The following PLEC variants were observed in gnomAD, a reference collection of about 807,000 sequenced individuals.
PLEC encodes the protein hemidesmosomal protein 1.
A neutral mutation model predicts 392.8 loss-of-function variants in PLEC; 216 were observed. The observed-to-expected ratio is 0.55, with a 90% CI of 0.49 to 0.62. The LOEUF is 0.62. Ranked by LOEUF, PLEC falls within the 20% of genes least tolerant of loss-of-function variation. PLEC has a pLI of 0.00. For missense variants in PLEC, 6,863 were observed against 6,563.4 expected, an observed-to-expected ratio of 1.05 and a Z score of -1.58; for synonymous variants, 3,621 against 2,980.6, an observed-to-expected ratio of 1.21 and a Z score of -7.00.
chr8:143,920,641 G>A lies in PLEC; in HGVS notation c.9180C>T (p.Ala3060=), dbSNP rs1554682493. The A allele has an allele frequency of 1.9e-6, 3 of 1,605,532 alleles. No homozygotes were observed. The African/African-American group carries it at 4.0e-5, about 21-fold the overall frequency. The change falls in exon 32 of 32, where the codon GCC becomes GCT. Residue 3060 remains alanine (A), a synonymous_variant. Transcript: ENST00000345136. The stretch of plus-strand genomic sequence containing the variant: ...CGATGATGTGCCCGGTGCCGGCCTG[G>A]GCTTCCAACAGGGCCACGGCCATGT... ...PSDMAVALLE[A]QAGTGHIIDP... is the part of the protein sequence containing the mutation.
chr8:143,966,206 A>G (rs1265308392), intron 1 of PLEC, among the ~76,000 whole-genome samples: 1 of 151,934 alleles, frequency 6.6e-6, no homozygotes, highest in Non-Finnish European at 1.5e-5. Context: ...CGCAGACCCA[A>G]CAGGCCCCCA....
At chr8:143,936,373 G>A (rs1829056878) in intron 5 of PLEC, among the ~76,000 whole-genome samples, 1 of 152,226 alleles carries the variant, frequency 6.6e-6, no homozygotes, top group Non-Finnish European at 1.5e-5. Flanking sequence ...GAAGGGCAGT[G>A]GGCATAAGAG....
At chr8:143,937,746 C>T (rs1554724651) in intron 3 of PLEC, 8 of 497,386 alleles carry the variant, frequency 1.6e-5, no homozygotes, top group South Asian at 1.2e-4. Context: ...CACAGCCACT[C>T]ACCAGGCGTG....
chr8:143,933,950 G>A (rs782312951), intron 12 of PLEC, 48 bp downstream of exon 12: 15 of 1,514,068 alleles, frequency 9.9e-6, no homozygotes, highest in East Asian at 7.2e-5. Flanking sequence ...GGCGGGGCAG[G>A]CTCCTCCGGC....
chr8:143,922,131 C>T lies in PLEC; in HGVS notation c.7690G>A (p.Glu2564Lys). The T allele has an allele frequency of 6.5e-7, 1 of 1,541,712 alleles. No homozygotes were observed. Among genetic ancestry groups the T allele is most frequent in the Non-Finnish European group, 8.7e-7 (1 of 1,149,606 alleles). Residue 2564 changes from glutamate to lysine, a missense_variant, in exon 32 of 32, where the codon GAG (glutamate) becomes AAG (lysine). Transcript: ENST00000345136. ...EARRRQHEAE[E>K]GVRRKQEELQ... ...TCCTCCTGCTTGCGCCGCACGCCCT[C>T]CTCGGCCTCATGCTGCCGCCGCCGC...
exon 1 of PLEC, chr8:143,950,604 T>A: frequency 6.2e-7 from 1 of 1,606,128 alleles, no homozygotes; most frequent in African/African-American, 1.3e-5. Context: ...GGGTGCAAGC[T>A]GCGGGGCCGC....
exon 1 of PLEC, chr8:143,950,431 G>A (rs781819940): frequency 2.4e-5 from 38 of 1,601,028 alleles, no homozygotes; most frequent in East Asian, 1.6e-4. Context: ...AGGCGGGCAC[G>A]ATCTCTGGCG....
rs782055149 is a variant in PLEC, at chr8:143,920,692, G to A, written c.9129C>T (p.Ala3043=). 7 of 1,602,712 alleles carry A rather than the reference G, an allele frequency of 4.4e-6. No individual in the cohort carries two copies. The highest frequency in any genetic ancestry group is 1.1e-5 in the South Asian group (1 of 91,082). The part of the protein sequence containing the change: ...EAGQKLSIYN[A]LKKDLLPSDM... ...CGGATGGCAGCAGGTCTTTCTTCAG[G>A]GCATTGTAGATACTCAGCTTCTGCC... The change falls in exon 32 of 32, where the codon GCC becomes GCT. Residue 3043 remains alanine (A), a synonymous_variant. Transcript: ENST00000345136.
upstream of PLEC, among the ~76,000 whole-genome samples, chr8:143,957,318 C>T (rs561002139): frequency 2.0e-5 from 3 of 152,284 alleles, no homozygotes; most frequent in South Asian, 6.2e-4. Context: ...AAGAAGCACG[C>T]GGGTCTGTGT....
At position 143,970,298 on chromosome 8, in the gene PLEC, C is replaced by CA. The variant is rs112313831; in HGVS notation, c.70+3104dup. The stretch of plus-strand genomic sequence containing the variant: ...GTTTACTGTCAAAAGTAAAACGCTC[C>CA]AAAAAAAAAAAAAATCAAGCAGGGT... On this transcript the variant is annotated intron_variant, in intron 1 of 31. Transcript: ENST00000356346. Among the ~76,000 whole-genome samples the CA allele has an allele frequency of 7.7e-3, 966 of 124,698 alleles. 7 individuals carry two copies. The highest frequency in any genetic ancestry group is 0.033 in the East Asian group (143 of 4,380). 81.8% of individuals were successfully genotyped at this position (124,698 alleles called of 152,430 possible). A position where few individuals can be genotyped will look rare whatever the true frequency, so the allele number is the denominator to read the frequency against.
rs782674294 is a variant in PLEC, at chr8:143,921,343, C to T, written c.8478G>A (p.Val2826=). 6.2e-7 allele frequency: 1 copy of T among 1,613,760 alleles called. No individual in the cohort carries two copies. The highest frequency in any genetic ancestry group is 8.5e-7 in the Non-Finnish European group (1 of 1,179,954). The part of the protein sequence containing the change: ...IDPVHSHRVP[V]DVAYRRGYFD... ...AGTAGCCGCGCCGGTAGGCCACGTC[C>T]ACGGGCACGCGGTGGCTGTGCACGG... is the stretch of plus-strand genomic sequence containing the variant. The change falls in exon 32 of 32, where the codon GTG becomes GTA. Residue 2826 remains valine (V), a synonymous_variant. Coordinates refer to ENST00000345136, the MANE Select transcript of PLEC (RefSeq NM_201384.3).
Position 143,917,089 on chromosome 8 carries a change from G to C in PLEC, c.12732C>G (p.Arg4244=). Residue 4244 remains arginine (R), a synonymous_variant, in exon 32 of 32, where the codon CGC becomes CGG. Coordinates refer to ENST00000345136, the MANE Select transcript of PLEC (RefSeq NM_201384.3). ...AGGATCCCACCGAGGAGGAACGGGA[G>C]CGGAAACCACCGGCGTTGCCCGAGA... ...DMLSGNAGGF[R]SRSSSVGSSS... 6.2e-7 allele frequency: 1 copy of C among 1,606,736 alleles called. No individual in the cohort carries two copies. The highest frequency in any genetic ancestry group is 8.5e-7 in the Non-Finnish European group (1 of 1,174,622).
chr8:143,921,714 G>A lies in PLEC; in HGVS notation c.8107C>T (p.Leu2703=). ...CTCAGCTTCTCATTGGTGGCCTTCAGCAACAGCCCTGCGATACTGCTGCGG... is the reference window on the plus strand; with the variant it reads ...CTCAGCTTCTCATTGGTGGCCTTCAACAACAGCCCTGCGATACTGCTGCGG... ...QGRSSIAGLL[L]KATNEKLSVY... The change falls in exon 32 of 32, where the codon CTG becomes TTG. Residue 2703 remains leucine, a synonymous_variant. Transcript: ENST00000345136. 1 of 1,612,990 alleles carries A rather than the reference G, an allele frequency of 6.2e-7. No individual in the cohort carries two copies. Among genetic ancestry groups the A allele is most frequent in the Non-Finnish European group, 8.5e-7 (1 of 1,179,904 alleles).
upstream of PLEC, among the ~76,000 whole-genome samples, chr8:143,955,242 C>T (rs529208021): frequency 1.3e-5 from 2 of 152,228 alleles, no homozygotes; most frequent in East Asian, 1.9e-4. Context: ...TTTGGGAGGC[C>T]GAGGCAGGTG....
chr8:143,917,044 G>A lies in PLEC; in HGVS notation c.12777C>T (p.Ser4259=), dbSNP rs1554670750. ...CCAGCTGGGTCCTGGAGACGGCGGG[G>A]CTGATGGGGTAGGAGGAGGAGGATC... The part of the protein sequence containing the change: ...SVGSSSSYPI[S]PAVSRTQLAS... Residue 4259 remains serine, a synonymous_variant, in exon 32 of 32, where the codon AGC becomes AGT. Transcript: ENST00000345136. The A allele has an allele frequency of 8.1e-6, 13 of 1,610,410 alleles. No homozygotes were observed. Among genetic ancestry groups the A allele is most frequent in the South Asian group, 4.4e-5 (4 of 91,060 alleles).
chr8:143,929,044 C>T, intron 25 of PLEC, 59 bp downstream of exon 25: 6 of 1,463,090 alleles, frequency 4.1e-6, no homozygotes, highest in South Asian at 2.4e-5. Flanking sequence ...AGGTCACAGC[C>T]CTCACCCCAG....
chr8:143,923,957 T>G lies in PLEC; in HGVS notation c.5972A>C (p.Gln1991Pro). ...RRRREAEERV[Q>P]KSLAAEEEAA... ...CTCCTCCTCGGCCGCCAGGCTCTTC[T>G]GCACGCGCTCCTCAGCCTCACGGCG... is the stretch of plus-strand genomic sequence containing the variant. The change falls in exon 31 of 32, where the codon CAG becomes CCG. Residue 1991 changes from glutamine to proline, a missense_variant. Physicochemically the swap from Gln to Pro is moderately conservative, Grantham distance 76 (BLOSUM62 -1). Transcript: ENST00000345136. 1 of 1,593,116 alleles carries G rather than the reference T, an allele frequency of 6.3e-7. No individual in the cohort carries two copies. Among genetic ancestry groups the G allele is most frequent in the Non-Finnish European group, 8.5e-7 (1 of 1,177,228 alleles).
intron 19 of PLEC, 41 bp downstream of exon 19, chr8:143,931,493 C>T (rs1243506022): frequency 4.5e-6 from 7 of 1,558,038 alleles, no homozygotes; most frequent in Non-Finnish European, 5.2e-6. Context: ...AGACTCCAGG[C>T]CAGCCCCTCC....
Position 143,924,135 on chromosome 8 carries a change from C to G in PLEC, c.5794G>C (p.Ala1932Pro). The change falls in exon 31 of 32, where the codon GCG (alanine) becomes CCG (proline). Residue 1932 changes from alanine (A) to proline (P), a missense_variant. Coordinates refer to ENST00000345136, the MANE Select transcript of PLEC (RefSeq NM_201384.3). ...CCAGCGGCCGCCTTCTCGAAGCTCGCCTTCAGCGCCAGGATCTCCTCCTCC... is the reference window on the plus strand; with the variant it reads ...CCAGCGGCCGCCTTCTCGAAGCTCGGCTTCAGCGCCAGGATCTCCTCCTCC... Reference protein sequence around the residue: ...QVEEEILALKASFEKAAAGKA... With the variant: ...QVEEEILALKPSFEKAAAGKA... The G allele has an allele frequency of 1.3e-6, 2 of 1,598,934 alleles. No individual in the cohort carries two copies. Among genetic ancestry groups the G allele is most frequent in the South Asian group, 1.1e-5 (1 of 91,064 alleles).
Sources: allele counts gnomAD v4.1 joint callset (sites outside exome capture counted in the v4.1 genomes callset), GRCh38; gene constraint gnomAD v4.1.1; transcripts MANE v1.5; gene names NCBI Gene and HGNC (gene_info 2026-07-23, HGNC 2026-07-21).